The following MGAT4C variants were observed in gnomAD, a reference collection of about 807,000 sequenced individuals.
The protein encoded by MGAT4C is alpha-1,3-mannosyl-glycoprotein 4-beta-N-acetylglucosaminyltransferase C.
MGAT4C carries 19 observed loss-of-function variants against 40.1 expected under a neutral mutation model. That is an observed-to-expected ratio of 0.47 (90% CI 0.33 to 0.70). The LOEUF is 0.70. Ranked by LOEUF, MGAT4C falls within the 30% of genes least tolerant of loss-of-function variation. MGAT4C has a pLI of 0.02. For synonymous variants in MGAT4C, 181 were observed against 187.1 expected, an observed-to-expected ratio of 0.97 and a Z score of 0.27; for missense variants, 491 against 563.2, an observed-to-expected ratio of 0.87 and a Z score of 1.30.
At chr12:86,488,624 AT>A (rs1958071059) in intron 2 of MGAT4C, among the ~76,000 whole-genome samples, 1 of 151,932 alleles carries the variant, frequency 6.6e-6, no homozygotes, top group Admixed American at 6.6e-5. Flanking sequence ...CAGTTCTCTG[AT>A]TTTTCTCCCA....
intron 2 of MGAT4C, among the ~76,000 whole-genome samples, chr12:86,721,191 G>C (rs1440758620): frequency 6.6e-6 from 1 of 152,148 alleles, no homozygotes; most frequent in Non-Finnish European, 1.5e-5. Context: ...AAACGTGCAA[G>C]AATGTGATGC....
intron 1 of MGAT4C, among the ~76,000 whole-genome samples, chr12:86,203,977 T>C (rs965104486): frequency 2.1e-5 from 3 of 141,718 alleles, no homozygotes; most frequent in Non-Finnish European, 4.6e-5. Context: ...AAAAAAGAAA[T>C]ATATATATAT....
intron 4 of MGAT4C, among the ~76,000 whole-genome samples, chr12:86,300,704 G>A (rs1592668372): frequency 6.6e-6 from 1 of 150,580 alleles, no homozygotes; most frequent in East Asian, 1.9e-4. Flanking sequence ...AACCTGCCAT[G>A]TAGCAAAAGA....
At chr12:86,641,182 T>C (rs1169472942) in intron 2 of MGAT4C, among the ~76,000 whole-genome samples, 2 of 151,462 alleles carry the variant, frequency 1.3e-5, no homozygotes, top group Non-Finnish European at 2.9e-5. Context: ...TGGAATACTA[T>C]GCAGCCATAA....
At chr12:86,385,484 T>A (rs1430024952) in intron 3 of MGAT4C, among the ~76,000 whole-genome samples, 1 of 152,160 alleles carries the variant, frequency 6.6e-6, no homozygotes, top group Non-Finnish European at 1.5e-5. Flanking sequence ...AAAGAAAATA[T>A]TAGCCTGAAA....
chr12:86,834,247 T>C (rs1164653618), intron 1 of MGAT4C, among the ~76,000 whole-genome samples: 2 of 151,660 alleles, frequency 1.3e-5, no homozygotes, highest in Non-Finnish European at 1.5e-5. Context: ...GATAGATAAT[T>C]TGCTGAGGGA....
chr12:86,768,371 T>G (rs1033328475), intron 1 of MGAT4C, among the ~76,000 whole-genome samples: 1 of 151,912 alleles, frequency 6.6e-6, no homozygotes, highest in Non-Finnish European at 1.5e-5. Context: ...TAAAAGAGGA[T>G]ACAAACAAAT....
At chr12:86,122,790 G>A (rs942309055) in intron 1 of MGAT4C, among the ~76,000 whole-genome samples, 6 of 152,044 alleles carry the variant, frequency 3.9e-5, no homozygotes, top group Non-Finnish European at 2.9e-5. Flanking sequence ...ATATGTTCGT[G>A]TGTGTGTGTA....
chr12:86,756,923 C>T (rs1309331136), intron 1 of MGAT4C, among the ~76,000 whole-genome samples: 1 of 152,070 alleles, frequency 6.6e-6, no homozygotes, highest in African/African-American at 2.4e-5. Context: ...AAATGTATAA[C>T]AAAATCATAA....
intron 2 of MGAT4C, among the ~76,000 whole-genome samples, chr12:86,473,677 A>C (rs1413092090): frequency 6.6e-6 from 1 of 152,222 alleles, no homozygotes; most frequent in East Asian, 1.9e-4. Flanking sequence ...TATTTTTAAA[A>C]GATTAAAAGA....
intron 2 of MGAT4C, among the ~76,000 whole-genome samples, chr12:86,509,124 A>C (rs1445017173): frequency 1.3e-5 from 2 of 152,136 alleles, no homozygotes; most frequent in South Asian, 4.1e-4. Flanking sequence ...TTTAGACATG[A>C]AGTCCTTGAC....
At chr12:86,126,767 T>C (rs1880342581) in intron 1 of MGAT4C, among the ~76,000 whole-genome samples, 1 of 152,206 alleles carries the variant, frequency 6.6e-6, no homozygotes, top group African/African-American at 2.4e-5. Flanking sequence ...TTTGTCGTTG[T>C]GTGAATGCCA....
Position 86,688,654 on chromosome 12 carries a change from A to G in MGAT4C, c.-229+38555T>C, listed in dbSNP as rs1950118262. Among the ~76,000 whole-genome samples the G allele has an allele frequency of 2.0e-5, 3 of 152,262 alleles. No homozygotes were observed. In the South Asian group the frequency reaches 6.2e-4, roughly 32 times the overall value. On this transcript the variant is annotated intron_variant, in intron 2 of 7. Transcript: ENST00000548651. The stretch of plus-strand genomic sequence containing the variant: ...TCTGGGTTGAAAATTCTTTTCTTCA[A>G]GAATGTTGTATTTTGGCCCCCACTC...
chr12:86,450,279 C>T (rs1472995587), intron 2 of MGAT4C, among the ~76,000 whole-genome samples: 1 of 151,924 alleles, frequency 6.6e-6, no homozygotes, highest in Non-Finnish European at 1.5e-5. Flanking sequence ...GGTTGAGCAC[C>T]TCCACATAAT....
At chr12:86,148,392 T>C (rs918813973) in intron 1 of MGAT4C, among the ~76,000 whole-genome samples, 1 of 152,202 alleles carries the variant, frequency 6.6e-6, no homozygotes, top group African/African-American at 2.4e-5. Flanking sequence ...AAATTGTATA[T>C]GCAAAACTGT....
intron 1 of MGAT4C, among the ~76,000 whole-genome samples, chr12:86,130,184 T>C (rs966973491): frequency 4.6e-5 from 7 of 152,186 alleles, no homozygotes; most frequent in African/African-American, 1.7e-4. Context: ...ATAATTTTCA[T>C]CAAAAATATA....
intron 2 of MGAT4C, among the ~76,000 whole-genome samples, chr12:86,589,156 C>A (rs1419116273): frequency 6.6e-6 from 1 of 151,664 alleles, no homozygotes; most frequent in Non-Finnish European, 1.5e-5. Flanking sequence ...AGACCGCTGG[C>A]AAGACTAATA....
At chr12:86,474,183 A>T (rs907758083) in intron 2 of MGAT4C, among the ~76,000 whole-genome samples, 1 of 151,874 alleles carries the variant, frequency 6.6e-6, no homozygotes, top group South Asian at 2.1e-4. Context: ...ATGGAATACT[A>T]TGCAGCCATA....
intron 1 of MGAT4C, among the ~76,000 whole-genome samples, chr12:86,774,433 CT>C (rs1593195745): frequency 9.2e-6 from 1 of 108,776 alleles, no homozygotes; most frequent in Non-Finnish European, 2.0e-5. Flanking sequence ...TTCTTTCTTT[CT>C]TTTCTGTTAG....
Sources: allele counts gnomAD v4.1 joint callset (sites outside exome capture counted in the v4.1 genomes callset), GRCh38; gene constraint gnomAD v4.1.1; transcripts MANE v1.5; gene names NCBI Gene and HGNC (gene_info 2026-07-23, HGNC 2026-07-21).